Variants in TTC39C observed in about 807,000 individuals in gnomAD.
TTC39C encodes tetratricopeptide repeat protein 39C.
TTC39C carries 33 observed loss-of-function variants against 76.3 expected under a neutral mutation model. That is an observed-to-expected ratio of 0.43 (90% confidence interval 0.33 to 0.58). The LOEUF is 0.58. Ranked by LOEUF, TTC39C falls within the 20% of genes least tolerant of loss-of-function variation. The probability of loss-of-function intolerance (pLI) is 0.04; values close to 1 mark genes in which losing one functional copy is unlikely to be tolerated. For missense variants in TTC39C, 595 were observed against 701.4 expected, an observed-to-expected ratio of 0.85 and a Z score of 1.71; for synonymous variants, 254 against 260.6, an observed-to-expected ratio of 0.97 and a Z score of 0.24.
In TTC39C at chr18:24,128,980, T is replaced by C. The variant is rs780240688; in HGVS notation, c.1515T>C (p.Val505=). The C allele has an allele frequency of 6.2e-7, 1 of 1,612,534 alleles. No individual in the cohort carries two copies. The highest frequency in any genetic ancestry group is 8.5e-7 in the Non-Finnish European group (1 of 1,179,152). Residue 505 remains valine, a synonymous_variant, in exon 11 of 14, where the codon GTT becomes GTC. Coordinates refer to ENST00000317571, the MANE Select transcript of TTC39C (RefSeq NM_001135993.2). The part of the protein sequence containing the change: ...HKCLGNSEDA[V]QYFQRAVKDE... ...GTCTAGGAAACTCAGAAGATGCTGTTCAGGTAAACTGTTAATGTTGTCAGG... is the reference window on the plus strand; with the variant it reads ...GTCTAGGAAACTCAGAAGATGCTGTCCAGGTAAACTGTTAATGTTGTCAGG...
chr18:24,012,157 A>T (rs952446887), upstream of TTC39C, among the ~76,000 whole-genome samples: 1 of 113,070 alleles, frequency 8.8e-6, no homozygotes, highest in Non-Finnish European at 2.2e-5. Context: ...CTCTTCCTTC[A>T]GGATTTGGAG....
Position 24,118,206 on chromosome 18 carries a change from A to G in TTC39C, c.1160A>G (p.Gln387Arg). Residue 387 changes from glutamine to arginine, a missense_variant, in exon 8 of 14, where the codon CAG becomes CGG. By Grantham distance (43) the Gln-to-Arg change is conservative. Transcript: ENST00000317571. ...CTAAAAAATGAGTCCAGGTGGTCCCAGTGCTATTATGCCTACTTGACTGCA... is the reference window on the plus strand; with the variant it reads ...CTAAAAAATGAGTCCAGGTGGTCCCGGTGCTATTATGCCTACTTGACTGCA... ...ERLKNESRWS[Q>R]CYYAYLTAVC... is the part of the protein sequence containing the mutation. The G allele has an allele frequency of 1.2e-6, 2 of 1,613,966 alleles. No individual in the cohort carries two copies. The highest frequency in any genetic ancestry group is 1.7e-6 in the Non-Finnish European group (2 of 1,179,940).
intron 6 of TTC39C, among the ~76,000 whole-genome samples, chr18:24,105,099 A>C (rs2084730388): frequency 6.6e-6 from 1 of 152,166 alleles, no homozygotes; most frequent in Non-Finnish European, 1.5e-5. Flanking sequence ...ACTAAATGTT[A>C]GCATCTTTAG....
chr18:24,124,247 G>A (rs1347456470), intron 9 of TTC39C: 2 of 205,646 alleles, frequency 9.7e-6, no homozygotes, highest in Non-Finnish European at 1.9e-5. Flanking sequence ...TTTAGCAAAA[G>A]GTGAAAGATA....
At chr18:24,002,632 A>T (rs974609967) in intron 1 of TTC39C, among the ~76,000 whole-genome samples, 1 of 152,104 alleles carries the variant, frequency 6.6e-6, no homozygotes, top group Non-Finnish European at 1.5e-5. Context: ...GCATTGTGAG[A>T]CAGGAATGCT....
At chr18:24,014,505 G>T, upstream of TTC39C, 1 of 167,200 alleles carries the variant, frequency 6.0e-6, no homozygotes. Context: ...CGCGGGGGCT[G>T]CAGGAAGTGG....
chr18:24,063,985 CT>C (rs933357743), intron 1 of TTC39C, among the ~76,000 whole-genome samples, 154 bp from the exon 2 acceptor site: 1 of 152,148 alleles, frequency 6.6e-6, no homozygotes, highest in Non-Finnish European at 1.5e-5. Context: ...TCTTTAACTT[CT>C]TTATTAGGGT....
chr18:24,106,187 T>C (rs1158999375), intron 6 of TTC39C, among the ~76,000 whole-genome samples: 1 of 152,120 alleles, frequency 6.6e-6, no homozygotes, highest in East Asian at 1.9e-4. Flanking sequence ...GGGACACAAT[T>C]CAATCCATAA....
intron 1 of TTC39C, among the ~76,000 whole-genome samples, chr18:23,999,557 G>T (rs1292679106): frequency 1.3e-5 from 2 of 152,238 alleles, no homozygotes; most frequent in African/African-American, 4.8e-5. Flanking sequence ...TCCCTAGCCA[G>T]GGGGCAAGAA....
chr18:24,072,378 C>T (rs551020410), intron 4 of TTC39C, among the ~76,000 whole-genome samples: 3 of 152,112 alleles, frequency 2.0e-5, no homozygotes, highest in Non-Finnish European at 2.9e-5. Flanking sequence ...ACAGCACAAC[C>T]ACTGCCTCCC....
At chr18:24,020,970 T>C (rs924974324) in intron 1 of TTC39C, among the ~76,000 whole-genome samples, 5 of 152,168 alleles carry the variant, frequency 3.3e-5, no homozygotes, top group African/African-American at 9.7e-5. Flanking sequence ...ACGAAACCAC[T>C]TGTAGATCCC....
intron 11 of TTC39C, 21 bp downstream of exon 11, chr18:24,129,004 G>A (rs1291331925): frequency 6.3e-7 from 1 of 1,596,640 alleles, no homozygotes; most frequent in Non-Finnish European, 8.6e-7. Flanking sequence ...AATGTTGTCA[G>A]GGCTAAAGAA....
At chr18:23,994,773 T>C (rs998625572) in intron 1 of TTC39C, among the ~76,000 whole-genome samples, 2 of 152,180 alleles carry the variant, frequency 1.3e-5, no homozygotes, top group Non-Finnish European at 1.5e-5. Context: ...TGAACTGCCT[T>C]ATAATAAACT....
chr18:24,027,864 T>A (rs1334643674), intron 1 of TTC39C, among the ~76,000 whole-genome samples: 13 of 146,396 alleles, frequency 8.9e-5, no homozygotes, highest in Non-Finnish European at 1.0e-4. Context: ...TGGCCTGATG[T>A]GACTCTTGAC....
chr18:23,992,960 A>G (rs1446487445), exon 1 of TTC39C: 2 of 152,242 alleles, frequency 1.3e-5, no homozygotes, highest in African/African-American at 4.8e-5. Flanking sequence ...AGAAGCAACT[A>G]TCCTGCCACT....
chr18:24,072,086 T>G (rs909551698), intron 4 of TTC39C, among the ~76,000 whole-genome samples: 12 of 152,286 alleles, frequency 7.9e-5, no homozygotes, highest in African/African-American at 2.2e-4. Flanking sequence ...ATTTGTTTAC[T>G]TCATTGTTGG....
chr18:24,031,312 A>G (rs1279388694), intron 1 of TTC39C, among the ~76,000 whole-genome samples: 1 of 152,144 alleles, frequency 6.6e-6, no homozygotes, highest in African/African-American at 2.4e-5. Flanking sequence ...AGGTTTACCA[A>G]ACCCAAGTGA....
At chr18:24,065,569 C>G (rs1283934823) in intron 2 of TTC39C, among the ~76,000 whole-genome samples, 1 of 152,216 alleles carries the variant, frequency 6.6e-6, no homozygotes, top group African/African-American at 2.4e-5. Context: ...CCTGGAAAGA[C>G]TGAAGATTTT....
chr18:24,074,764 C>T (rs2084282049), intron 4 of TTC39C, among the ~76,000 whole-genome samples: 1 of 152,136 alleles, frequency 6.6e-6, no homozygotes, highest in Non-Finnish European at 1.5e-5. Context: ...GGATCTAGAA[C>T]TAGAAATACC....
Sources: allele counts gnomAD v4.1 joint callset (sites outside exome capture counted in the v4.1 genomes callset), GRCh38; gene constraint gnomAD v4.1.1; transcripts MANE v1.5; gene names NCBI Gene and HGNC (gene_info 2026-07-23, HGNC 2026-07-21).